The following FNTB variants were observed in gnomAD, a reference collection of about 807,000 sequenced individuals.
The protein encoded by FNTB is protein farnesyltransferase subunit beta.
In FNTB, 27 loss-of-function variants were observed where a neutral mutation model predicts 59.4. The observed-to-expected ratio is 0.45, with a 90% CI of 0.34 to 0.63. The LOEUF (loss-of-function observed/expected upper bound fraction) is 0.63, where lower values mean the gene tolerates loss of function less well. FNTB is among the 20% of genes least tolerant of loss of function. The pLI is 0.02. For missense variants in FNTB, 449 were observed against 559.6 expected (o/e 0.80, Z 1.99); for synonymous variants, 230 against 220.7 (o/e 1.04, Z -0.37).
At chr14:65,008,286 A>G (rs755322382) in intron 2 of FNTB, among the ~76,000 whole-genome samples, 4 of 152,166 alleles carry the variant, frequency 2.6e-5, no homozygotes, top group Non-Finnish European at 4.4e-5. Flanking sequence ...AGGATGGCCC[A>G]GGTTTGGGGG....
rs558818105 is a variant in FNTB at position 65,031,515 on chromosome 14, G to A, written c.606-1095G>A. ...GTGTTTTTAGTGGAGACGGGGTTTC[G>A]CAATATTGGTCAGGTTGGTCTTGAA... On this transcript the variant is annotated intron_variant, in intron 6 of 11. Coordinates refer to ENST00000246166, the MANE Select transcript of FNTB (RefSeq NM_002028.4). The surrounding 1 kb of genome is among the most constrained non-coding windows in gnomAD (Gnocchi z 4.6). Among the ~76,000 whole-genome samples, 44 of 151,676 alleles carry A rather than the reference G, an allele frequency of 2.9e-4. 2 individuals carry two copies. The South Asian group carries it at 4.4e-3, about 15-fold the overall frequency.
chr14:65,061,383 ATAC>A lies in FNTB; in HGVS notation c.*73_*75del. On this transcript the variant is annotated 3_prime_UTR_variant, in exon 12 of 12. Transcript: ENST00000246166. The stretch of plus-strand genomic sequence containing the variant: ...AGACAAGGTTTATACGTTTCAATAC[ATAC>A]TGCATTCTGTGCTACACAAGCCTTA... 1 of 1,598,588 alleles carries A rather than the reference ATAC, an allele frequency of 6.3e-7. No individual in the cohort carries two copies. The highest frequency in any genetic ancestry group is 8.5e-7 in the Non-Finnish European group (1 of 1,173,248).
Position 65,061,666 on chromosome 14 carries a change from AC to A in FNTB, c.*355del. On this transcript the variant is annotated 3_prime_UTR_variant, in exon 12 of 12. Transcript: ENST00000246166. ...ATTACGGCATCCAGAGCCACTGCTG[AC>A]TCCCACTTGCACGCCACCATTCAGT... is the stretch of plus-strand genomic sequence containing the variant. 2.9e-4 allele frequency: 60 copies of A among 203,904 alleles called. No homozygotes were observed. The highest frequency in any genetic ancestry group is 9.5e-4 in the East Asian group (9 of 9,426). The allele number at this position is 203,904 out of a possible 1,614,324, so 12.6% of individuals were successfully genotyped here.
At chr14:64,987,120 G>T (rs575336097) in intron 1 of FNTB, 23 bp downstream of exon 1, 1 of 1,613,668 alleles carries the variant, frequency 6.2e-7, no homozygotes, top group Admixed American at 1.7e-5. Flanking sequence ...GACTGGGCGA[G>T]GCGCCCGCGC....
chr14:65,046,035 C>T lies in FNTB; in HGVS notation c.955+1592C>T, dbSNP rs536099442. Among the ~76,000 whole-genome samples the T allele has an allele frequency of 2.6e-4, 39 of 151,922 alleles. 1 individual carries two copies. Among genetic ancestry groups the T allele is most frequent in the Non-Finnish European group, 4.6e-4 (31 of 67,958 alleles). ...GGAGTTTCACTCTTGTTGCCCAGGC[C>T]GGAGTGCAATGGATCACTGCAACCT... is the stretch of plus-strand genomic sequence containing the variant. On this transcript the variant is annotated intron_variant, in intron 9 of 11. Coordinates refer to ENST00000246166, the MANE Select transcript of FNTB (RefSeq NM_002028.4).
intron 4 of FNTB, among the ~76,000 whole-genome samples, chr14:65,018,538 G>A (rs910240606): frequency 1.1e-4 from 16 of 152,126 alleles, no homozygotes; most frequent in Non-Finnish European, 1.5e-5. Context: ...GGCTGGGCAC[G>A]GTGTCTCACA....
chr14:65,044,581 C>T lies in FNTB; in HGVS notation c.955+138C>T. 1 of 1,294,040 alleles carries T rather than the reference C, an allele frequency of 7.7e-7. No homozygotes were observed. The highest frequency in any genetic ancestry group is 1.7e-5 in the South Asian group (1 of 60,002). The allele number at this position is 1,294,040 out of a possible 1,614,324, so 80.2% of individuals were successfully genotyped here. On this transcript the variant is annotated intron_variant, in intron 9 of 11. Coordinates refer to ENST00000246166, the MANE Select transcript of FNTB (RefSeq NM_002028.4). The surrounding 1 kb of genome is among the most constrained non-coding windows in gnomAD (Gnocchi z 5.5). ...GGATTTTGAGTGCCCAGTGTGGAACCTCATGCCGTGGGGCATGCGAATGCA... is the reference window on the plus strand; with the variant it reads ...GGATTTTGAGTGCCCAGTGTGGAACTTCATGCCGTGGGGCATGCGAATGCA...
rs771455189 is a variant in FNTB at position 65,001,898 on chromosome 14, AT to A, written c.145-2350del. Among the ~76,000 whole-genome samples the A allele has an allele frequency of 3.4e-4, 52 of 152,222 alleles. No homozygotes were observed. The highest frequency in any genetic ancestry group is 6.3e-4 in the Non-Finnish European group (43 of 68,042). On this transcript the variant is annotated intron_variant, in intron 1 of 11. Coordinates refer to ENST00000246166, the MANE Select transcript of FNTB (RefSeq NM_002028.4). This position sits in a 1 kb window ranked among gnomAD's most constrained non-coding sequence, Gnocchi z 5.5. Reference sequence around the variant, plus strand: ...ACGTCAGTCTGTTTTTTGAAGTATTATAACCTTTTAAACAGATCATCCTTCA... The same window carrying A: ...ACGTCAGTCTGTTTTTTGAAGTATTAAACCTTTTAAACAGATCATCCTTCA...
chr14:65,006,247 G>A (rs2139487191), intron 2 of FNTB: 1 of 1,611,554 alleles, frequency 6.2e-7, no homozygotes, highest in Non-Finnish European at 8.5e-7. Context: ...GTGTTCATAA[G>A]GAAAGACAGG....
At chr14:65,058,534 C>G (rs2062793561) in intron 11 of FNTB, among the ~76,000 whole-genome samples, 1 of 152,124 alleles carries the variant, frequency 6.6e-6, no homozygotes, top group Admixed American at 6.5e-5. Context: ...TCTCTTGCTC[C>G]TGATTATAAT....
intron 7 of FNTB, among the ~76,000 whole-genome samples, chr14:65,037,741 ATTATTTATTTATTTATTTATTTAT>A (rs201126999): frequency 6.8e-4 from 90 of 132,716 alleles, no homozygotes; most frequent in African/African-American, 2.1e-3. Flanking sequence ...TTATTTATTT[ATTATTTATTTATTTATTTATTTAT>A]TTATTTATTT....
intron 1 of FNTB, among the ~76,000 whole-genome samples, chr14:64,989,281 A>AG (rs938139505): frequency 6.7e-6 from 1 of 149,926 alleles, no homozygotes; most frequent in African/African-American, 2.4e-5. Context: ...CCAAAAAAAA[A>AG]AAAAAAAAAA....
chr14:65,005,449 T>TTTTC (rs71123898), intron 2 of FNTB, among the ~76,000 whole-genome samples: 16,259 of 119,662 alleles, frequency 0.14, 1,564 homozygotes, highest in Non-Finnish European at 0.17. Flanking sequence ...TCTTCCTTTC[T>TTTTC]TTTCTTTCTT....
At chr14:65,040,251 A>ATATATGTGTG (rs2062314613) in intron 7 of FNTB, among the ~76,000 whole-genome samples, 4 of 119,346 alleles carry the variant, frequency 3.4e-5, no homozygotes, top group African/African-American at 1.1e-4. Context: ...TTATCACTAT[A>ATATATGTGTG]TATATATGTA....
intron 9 of FNTB, among the ~76,000 whole-genome samples, chr14:65,045,926 A>T (rs1000283969): frequency 6.6e-6 from 1 of 152,208 alleles, no homozygotes; most frequent in African/African-American, 2.4e-5. Context: ...GAGCCTGCAC[A>T]GTCTCTGCCT....
intron 9 of FNTB, among the ~76,000 whole-genome samples, chr14:65,049,786 T>A (rs893859949): frequency 1.3e-5 from 2 of 152,162 alleles, no homozygotes; most frequent in Admixed American, 6.5e-5. Context: ...TATGCTTTTT[T>A]AAATAATAGC....
intron 8 of FNTB, 70 bp downstream of exon 8, chr14:65,040,989 A>G: frequency 6.4e-7 from 1 of 1,572,000 alleles, no homozygotes; most frequent in Non-Finnish European, 8.7e-7. Context: ...TCAGACATGC[A>G]GGCTTCAGGA....
At chr14:65,004,178 T>C (rs756590934) in intron 1 of FNTB, 71 bp from the exon 2 acceptor site, 2 of 1,554,042 alleles carry the variant, frequency 1.3e-6, no homozygotes, top group Non-Finnish European at 1.8e-6. Context: ...TTTGTGGCAA[T>C]AGGAAGAAAA....
Position 65,027,355 on chromosome 14 carries a change from G to T in FNTB, c.375-98G>T. 1 of 1,556,592 alleles carries T rather than the reference G, an allele frequency of 6.4e-7. No homozygotes were observed. On this transcript the variant is annotated intron_variant, in intron 4 of 11. Transcript: ENST00000246166. This position sits in a 1 kb window ranked among gnomAD's most constrained non-coding sequence, Gnocchi z 5.7. ...GAGGTTCCCCTCAACTTTTGAGGGA[G>T]TGGGGGATCATTGGAAAGGCCTGGA...
Sources: allele counts gnomAD v4.1 joint callset (sites outside exome capture counted in the v4.1 genomes callset), GRCh38; gene constraint gnomAD v4.1.1; non-coding constraint Gnocchi (gnomAD v3.1); transcripts MANE v1.5; gene names NCBI Gene and HGNC (gene_info 2026-07-23, HGNC 2026-07-21).